The following USP53 variants were observed in gnomAD, a reference collection of about 807,000 sequenced individuals.
USP53 encodes ubiquitin specific peptidase 53, also known as ubiquitin carboxyl-terminal hydrolase 53.
Under a neutral mutation model 94.9 loss-of-function variants are expected in USP53, and 71 were observed. The ratio of observed to expected loss-of-function variants is 0.75; its 90% CI spans 0.62 to 0.91. USP53 has a LOEUF of 0.91. Ranked by LOEUF, USP53 falls within the 40% of genes least tolerant of loss-of-function variation. The pLI is 0.00. For missense variants in USP53, 1,173 were observed against 1,281.0 expected (o/e 0.92, Z 1.29); for synonymous variants, 375 against 422.7 (o/e 0.89, Z 1.39).
chr4:119,225,250 A>C (rs1310235761), intron 3 of USP53, among the ~76,000 whole-genome samples: 2 of 152,172 alleles, frequency 1.3e-5, no homozygotes, highest in Non-Finnish European at 2.9e-5. Flanking sequence ...CTCAAGAAGA[A>C]AAGAAAACCT....
intron 17 of USP53, among the ~76,000 whole-genome samples, chr4:119,290,769 C>T (rs997221299): frequency 1.3e-5 from 2 of 152,096 alleles, no homozygotes; most frequent in Non-Finnish European, 2.9e-5. Flanking sequence ...GGCTTGTTTA[C>T]CTACCCATAA....
At chr4:119,260,022 G>A in intron 10 of USP53, 97 bp downstream of exon 10, 2 of 807,262 alleles carry the variant, frequency 2.5e-6, no homozygotes, top group Non-Finnish European at 3.6e-6. Context: ...TCTATATCTA[G>A]AATTAGCTTT....
intron 3 of USP53, chr4:119,219,040 T>G (rs1293211367): frequency 6.6e-6 from 1 of 152,220 alleles, no homozygotes; most frequent in Non-Finnish European, 1.5e-5. Flanking sequence ...ATATTTCTAA[T>G]TTTCTTTATG....
At chr4:119,261,633 G>A in intron 11 of USP53, 82 bp from the exon 12 acceptor site, 2 of 1,167,606 alleles carry the variant, frequency 1.7e-6, no homozygotes, top group Non-Finnish European at 2.4e-6. Context: ...TTCATTATGT[G>A]TCAAAGACAT....
chr4:119,212,629 CT>C (rs1054630248), upstream of USP53: 43 of 384,424 alleles, frequency 1.1e-4, no homozygotes, highest in African/African-American at 7.3e-4. Flanking sequence ...ACTGGCCTGA[CT>C]GGTCCCTGGG....
chr4:119,241,162 G>A (rs554435638), intron 5 of USP53, among the ~76,000 whole-genome samples: 3 of 152,064 alleles, frequency 2.0e-5, no homozygotes, highest in East Asian at 1.9e-4. Context: ...GAAACAAAAC[G>A]CATATTAGAA....
intron 17 of USP53, among the ~76,000 whole-genome samples, chr4:119,281,044 C>G (rs1011052): frequency 0.7 from 106,807 of 152,070 alleles, 38,144 homozygotes; most frequent in Non-Finnish European, 0.78. Flanking sequence ...GTTAAGAACA[C>G]ATAGAAAGAT....
chr4:119,282,605 G>A (rs1428440052), intron 17 of USP53, among the ~76,000 whole-genome samples: 2 of 151,776 alleles, frequency 1.3e-5, no homozygotes, highest in Non-Finnish European at 1.5e-5. Flanking sequence ...AGCCTACTAC[G>A]GTTCTCTAAG....
At position 119,271,436 on chromosome 4, in the gene USP53, C is replaced by T. The variant is rs370581218; in HGVS notation, c.1576C>T (p.Arg526Ter). 10 of 1,613,872 alleles carry T rather than the reference C, an allele frequency of 6.2e-6. No individual in the cohort carries two copies. Among genetic ancestry groups the T allele is most frequent in the Non-Finnish European group, 8.5e-6 (10 of 1,180,006 alleles). The change falls in exon 16 of 19, where the codon CGA becomes TGA. Residue 526 changes from arginine to a stop codon, truncating the protein, a stop_gained. Transcript: ENST00000692078. LOFTEE classifies it high-confidence loss of function. ...ACATGACCGAGTTGTACCTCAGAGTCGAGCTTCTGCACAAATAATAAGTTC... is the reference window on the plus strand; with the variant it reads ...ACATGACCGAGTTGTACCTCAGAGTTGAGCTTCTGCACAAATAATAAGTTC... ...YKHDRVVPQSRASAQIISSSK... is the reference protein window; with the variant it reads ...YKHDRVVPQS
chr4:119,285,340 T>TAA, intron 17 of USP53, among the ~76,000 whole-genome samples: 2 of 151,984 alleles, frequency 1.3e-5, no homozygotes, highest in Middle Eastern at 3.4e-3. Flanking sequence ...CATAGTAGGT[T>TAA]AGGATATTTA....
At position 119,230,093 on chromosome 4, in the gene USP53, T is replaced by C. The variant is rs145139893; in HGVS notation, c.-664-5197T>C. Among the ~76,000 whole-genome samples the C allele has an allele frequency of 1.9e-4, 29 of 152,360 alleles. No homozygotes were observed. The East Asian group carries it at 5.4e-3, about 28-fold the overall frequency. On this transcript the variant is annotated intron_variant, in intron 3 of 18. Transcript: ENST00000692078. ...TCCACATGGATCTTATGCTATAATA[T>C]GCATATCTCTGGTTTTGCATATTTA...
intron 17 of USP53, among the ~76,000 whole-genome samples, chr4:119,277,859 CTTCT>C (rs1277322154): frequency 8.6e-6 from 1 of 115,684 alleles, no homozygotes; most frequent in African/African-American, 3.1e-5. Flanking sequence ...ATGTAATGGC[CTTCT>C]TTGTCTCTTT....
intron 17 of USP53, among the ~76,000 whole-genome samples, chr4:119,283,974 C>T (rs749446139): frequency 3.3e-5 from 5 of 151,690 alleles, no homozygotes; most frequent in African/African-American, 7.3e-5. Flanking sequence ...ATTGGCTTTG[C>T]TGAGGAAGAG....
chr4:119,285,148 G>T (rs1403083817), intron 17 of USP53, among the ~76,000 whole-genome samples: 1 of 151,818 alleles, frequency 6.6e-6, no homozygotes, highest in Admixed American at 6.6e-5. Context: ...GGCAGAGTGA[G>T]AAGGAAACAA....
At chr4:119,259,112 C>G (rs1266120515) in intron 9 of USP53, among the ~76,000 whole-genome samples, 1 of 152,058 alleles carries the variant, frequency 6.6e-6, no homozygotes, top group East Asian at 1.9e-4. Context: ...GAAACTCCAT[C>G]TCTACTAGAA....
intron 18 of USP53, among the ~76,000 whole-genome samples, chr4:119,291,537 A>G (rs533970213): frequency 6.6e-5 from 10 of 152,302 alleles, no homozygotes; most frequent in African/African-American, 2.2e-4. Flanking sequence ...AATGTGACCA[A>G]AACTATCGAG....
At chr4:119,272,633 C>G (rs1483505024) in intron 16 of USP53, 1 of 152,510 alleles carries the variant, frequency 6.6e-6, no homozygotes, top group Non-Finnish European at 1.5e-5. Context: ...AACTCCCAAC[C>G]TCAGGTGATC....
intron 12 of USP53, among the ~76,000 whole-genome samples, chr4:119,266,546 TA>T (rs1005828369): frequency 6.6e-6 from 1 of 152,194 alleles, no homozygotes; most frequent in Non-Finnish European, 1.5e-5. Flanking sequence ...TTGTCATTGG[TA>T]ATATTTTGAG....
intron 9 of USP53, among the ~76,000 whole-genome samples, chr4:119,259,019 G>A (rs1302896074): frequency 2.0e-5 from 3 of 152,148 alleles, no homozygotes; most frequent in Admixed American, 6.5e-5. Flanking sequence ...AGTGGCTCAC[G>A]CCTGTAATCC....
Sources: gnomAD v4.1 joint callset for allele counts (sites outside exome capture counted in the v4.1 genomes callset) on GRCh38, gnomAD v4.1.1 for gene constraint, MANE v1.5 for transcripts, NCBI Gene and HGNC (gene_info 2026-07-23, HGNC 2026-07-21) for gene names.